The following PBX3 variants were observed in gnomAD, a reference collection of about 807,000 sequenced individuals.
PBX3 encodes pre-B-cell leukemia transcription factor 3.
In PBX3, 14 loss-of-function variants were observed where a neutral mutation model predicts 48.5. That is an observed-to-expected ratio of 0.29 (90% CI 0.19 to 0.45). PBX3 has a LOEUF of 0.45. Ranked by LOEUF, PBX3 falls within the 20% of genes least tolerant of loss-of-function variation. The probability of loss-of-function intolerance (pLI) is 1.00; values close to 1 mark genes in which losing one functional copy is unlikely to be tolerated. For synonymous variants in PBX3, 210 were observed against 200.3 expected (o/e 1.05, Z -0.41); for missense variants, 386 against 546.7 (o/e 0.71, Z 2.93).
intron 2 of PBX3, among the ~76,000 whole-genome samples, chr9:125,886,893 T>C (rs1211493121): frequency 6.6e-6 from 1 of 152,194 alleles, no homozygotes; most frequent in Non-Finnish European, 1.5e-5. Flanking sequence ...TACTCTGTCT[T>C]CAGAATGATT....
chr9:125,862,394 T>G (rs1588232517), intron 2 of PBX3, among the ~76,000 whole-genome samples: 1 of 152,176 alleles, frequency 6.6e-6, no homozygotes, highest in South Asian at 2.1e-4. Flanking sequence ...GAGTACTTTT[T>G]TTTGTTTGTT....
chr9:125,819,969 G>C (rs1838600788), intron 2 of PBX3, among the ~76,000 whole-genome samples: 1 of 152,018 alleles, frequency 6.6e-6, no homozygotes, highest in East Asian at 1.9e-4. Context: ...TATGGAATTT[G>C]TATAGATTTT....
intron 7 of PBX3, 92 bp from the exon 8 acceptor site, chr9:125,962,919 CT>C (rs758170322): frequency 3.0e-5 from 17 of 567,184 alleles, no homozygotes; most frequent in Non-Finnish European, 4.4e-5. Context: ...ATGTTAAACC[CT>C]TGTGGCACAC....
At chr9:125,910,062 CATT>C (rs1316780661) in intron 2 of PBX3, among the ~76,000 whole-genome samples, 1 of 152,112 alleles carries the variant, frequency 6.6e-6, no homozygotes, top group African/African-American at 2.4e-5. Flanking sequence ...TGTGGAGAAG[CATT>C]ATGGGGAATC....
At chr9:125,964,385 T>G (rs946917688) in intron 8 of PBX3, among the ~76,000 whole-genome samples, 7 of 152,184 alleles carry the variant, frequency 4.6e-5, no homozygotes, top group African/African-American at 1.7e-4. Flanking sequence ...CTAAGTAGAT[T>G]TTCATACCTG....
At chr9:125,779,861 C>CTCCT (rs1837196582) in intron 2 of PBX3, among the ~76,000 whole-genome samples, 7 of 88,798 alleles carry the variant, frequency 7.9e-5, no homozygotes, top group Admixed American at 1.1e-4. Flanking sequence ...CCTCACCTCC[C>CTCCT]GGACGGGGCG....
At chr9:125,954,772 C>T (rs1223177178) in intron 5 of PBX3, among the ~76,000 whole-genome samples, 2 of 152,100 alleles carry the variant, frequency 1.3e-5, no homozygotes, top group African/African-American at 4.8e-5. Flanking sequence ...CTCCTGACCT[C>T]GTGATCCGCC....
intron 3 of PBX3, among the ~76,000 whole-genome samples, chr9:125,925,929 G>GT (rs888595599): frequency 2.6e-5 from 4 of 152,254 alleles, no homozygotes; most frequent in African/African-American, 7.2e-5. Flanking sequence ...CCCACAAAAA[G>GT]TTTTTAAGAT....
At chr9:125,838,430 A>G (rs1431772955) in intron 2 of PBX3, among the ~76,000 whole-genome samples, 1 of 152,216 alleles carries the variant, frequency 6.6e-6, no homozygotes, top group Non-Finnish European at 1.5e-5. Context: ...AGTGATTGCT[A>G]CATCACACTA....
intron 2 of PBX3, among the ~76,000 whole-genome samples, chr9:125,912,914 A>C (rs1481323465): frequency 6.6e-6 from 1 of 152,188 alleles, no homozygotes; most frequent in Non-Finnish European, 1.5e-5. Context: ...GTGTAACTCT[A>C]GAAAGTTAGT....
intron 2 of PBX3, chr9:125,749,560 C>CTTTTTTTTTT (rs75281692): frequency 3.5e-5 from 4 of 115,346 alleles, no homozygotes; most frequent in African/African-American, 6.2e-5. Context: ...TCTTTTCTTT[C>CTTTTTTTTTT]TTTTTTTTTT....
intron 2 of PBX3, among the ~76,000 whole-genome samples, chr9:125,833,411 G>T (rs1194346360): frequency 6.6e-6 from 1 of 151,996 alleles, no homozygotes; most frequent in East Asian, 1.9e-4. Context: ...CTGAGCCTGG[G>T]ATGTGGAGGT....
intron 2 of PBX3, among the ~76,000 whole-genome samples, chr9:125,874,462 A>G (rs780900371): frequency 6.6e-5 from 10 of 152,190 alleles, no homozygotes; most frequent in Non-Finnish European, 1.3e-4. Context: ...GAGTCCAGCA[A>G]TGCATAGACA....
At chr9:125,782,703 G>A (rs982089111) in intron 2 of PBX3, among the ~76,000 whole-genome samples, 9 of 152,062 alleles carry the variant, frequency 5.9e-5, no homozygotes, top group African/African-American at 1.7e-4. Flanking sequence ...ATTTCAGCCC[G>A]AAGGACCCTT....
At chr9:125,940,147 G>T (rs951721886) in intron 5 of PBX3, among the ~76,000 whole-genome samples, 2 of 151,720 alleles carry the variant, frequency 1.3e-5, no homozygotes, top group Non-Finnish European at 2.9e-5. Context: ...TCGTGCCATT[G>T]CACTCCAGCC....
chr9:125,783,579 G>T (rs1292151875), intron 2 of PBX3, among the ~76,000 whole-genome samples: 1 of 151,996 alleles, frequency 6.6e-6, no homozygotes, highest in Non-Finnish European at 1.5e-5. Flanking sequence ...CAGCCACCAC[G>T]TGGGCCTGAT....
chr9:125,809,734 A>G (rs750347891), intron 2 of PBX3, among the ~76,000 whole-genome samples: 1 of 152,230 alleles, frequency 6.6e-6, no homozygotes, highest in Non-Finnish European at 1.5e-5. Context: ...CTGATCATCA[A>G]TGTAAACCAT....
chr9:125,890,390 A>G (rs1840613018), intron 2 of PBX3, among the ~76,000 whole-genome samples: 2 of 152,200 alleles, frequency 1.3e-5, no homozygotes, highest in South Asian at 4.1e-4. Context: ...CTGAATTCCA[A>G]AGGGAATTCC....
intron 2 of PBX3, among the ~76,000 whole-genome samples, chr9:125,873,093 C>CA (rs2132326511): frequency 1.3e-5 from 2 of 151,698 alleles, no homozygotes; most frequent in African/African-American, 4.8e-5. Flanking sequence ...CCCAGCTACT[C>CA]AGCAGGCTGA....
Sources: allele counts gnomAD v4.1 joint callset (sites outside exome capture counted in the v4.1 genomes callset), GRCh38; gene constraint gnomAD v4.1.1; transcripts MANE v1.5; gene names NCBI Gene and HGNC (gene_info 2026-07-23, HGNC 2026-07-21).